Variants in NRXN3 observed in about 807,000 individuals in gnomAD.
NRXN3 encodes the protein neurexin 3, also known as neurexin III.
A neutral mutation model predicts 137.6 loss-of-function variants in NRXN3; 32 were observed. The ratio of observed to expected loss-of-function variants is 0.23; its 90% CI spans 0.18 to 0.31. The LOEUF is 0.31. Ranked by LOEUF, NRXN3 falls within the 10% of genes least tolerant of loss-of-function variation. The pLI is 1.00. For synonymous variants in NRXN3, 798 were observed against 784.5 expected (o/e 1.02, Z -0.29); for missense variants, 1,574 against 2,062.5 (o/e 0.76, Z 4.59).
At position 78,693,602 on chromosome 14, in the gene NRXN3, T is replaced by A. The variant is rs562707410; in HGVS notation, c.1222-15615T>A. On this transcript the variant is annotated intron_variant, in intron 6 of 20. Transcript: ENST00000335750. ...ATAATAATTCCTTTCAAAGTACTTT[T>A]TGTACTTTTGGTCTTATGTATGTCA... Among the ~76,000 whole-genome samples the A allele has an allele frequency of 1.5e-3, 232 of 151,642 alleles. 2 individuals carry two copies. The highest frequency in any genetic ancestry group is 5.5e-3 in the African/African-American group (226 of 41,326).
chr14:79,137,855 G>A (rs1212502825), intron 15 of NRXN3, among the ~76,000 whole-genome samples: 1 of 152,068 alleles, frequency 6.6e-6, no homozygotes, highest in Non-Finnish European at 1.5e-5. Flanking sequence ...AATAATTAAA[G>A]TCCCTCCAAA....
chr14:79,691,873 T>C (rs1670685876), intron 17 of NRXN3, among the ~76,000 whole-genome samples: 1 of 151,972 alleles, frequency 6.6e-6, no homozygotes, highest in African/African-American at 2.4e-5. Flanking sequence ...AATTAAGGTG[T>C]GGTTGAGATG....
chr14:79,014,770 C>T (rs533861855), intron 15 of NRXN3, among the ~76,000 whole-genome samples: 2 of 152,250 alleles, frequency 1.3e-5, no homozygotes, highest in South Asian at 4.1e-4. Flanking sequence ...GGTTCTTTCT[C>T]ATTTGTGTAG....
chr14:78,381,719 T>TA (rs1422671721), intron 4 of NRXN3, among the ~76,000 whole-genome samples: 1 of 152,182 alleles, frequency 6.6e-6, no homozygotes, highest in Non-Finnish European at 1.5e-5. Context: ...CAAACCATGG[T>TA]ACATCTATAC....
intron 8 of NRXN3, among the ~76,000 whole-genome samples, chr14:78,749,275 A>G (rs551212658): frequency 6.6e-6 from 1 of 152,302 alleles, no homozygotes; most frequent in African/African-American, 2.4e-5. Context: ...GACAAATGAG[A>G]AACAAATCCA....
chr14:78,367,021 C>T (rs918766875), intron 4 of NRXN3, among the ~76,000 whole-genome samples: 1 of 152,186 alleles, frequency 6.6e-6, no homozygotes, highest in Non-Finnish European at 1.5e-5. Context: ...ATAAGGGCAG[C>T]TCTATAATCA....
intron 15 of NRXN3, among the ~76,000 whole-genome samples, chr14:79,454,429 T>C (rs951010880): frequency 6.6e-6 from 1 of 152,124 alleles, no homozygotes; most frequent in African/African-American, 2.4e-5. Flanking sequence ...TTGGTCAGGC[T>C]GGTCTCGAAC....
intron 8 of NRXN3, among the ~76,000 whole-genome samples, chr14:78,785,703 G>T (rs1275846618): frequency 2.6e-5 from 4 of 152,188 alleles, no homozygotes. Flanking sequence ...CCGCCAGGCA[G>T]TTACAACTTT....
chr14:79,339,262 C>A (rs1218646099), intron 15 of NRXN3, among the ~76,000 whole-genome samples: 1 of 152,174 alleles, frequency 6.6e-6, no homozygotes, highest in Non-Finnish European at 1.5e-5. Flanking sequence ...GAAAACGAGA[C>A]AAAATCATTC....
chr14:79,251,076 G>C (rs1400868130), intron 15 of NRXN3, among the ~76,000 whole-genome samples: 1 of 152,140 alleles, frequency 6.6e-6, no homozygotes, highest in Admixed American at 6.5e-5. Flanking sequence ...ATAGGACAGG[G>C]CTAGTTTGTA....
chr14:79,705,050 G>T (rs1305432046), intron 19 of NRXN3, among the ~76,000 whole-genome samples: 1 of 152,148 alleles, frequency 6.6e-6, no homozygotes. Flanking sequence ...CAGACGAAGT[G>T]TGAAAGCTCC....
At chr14:79,041,975 C>T (rs1179283258) in intron 15 of NRXN3, among the ~76,000 whole-genome samples, 1 of 151,996 alleles carries the variant, frequency 6.6e-6, no homozygotes, top group Admixed American at 6.6e-5. Context: ...GAGAGATAGC[C>T]TGGAGAGAAA....
Position 79,861,990 on chromosome 14 carries a change from G to C in NRXN3, c.*26G>C. On this transcript the variant is annotated 3_prime_UTR_variant, in exon 21 of 21. Coordinates refer to ENST00000335750, the MANE Select transcript of NRXN3 (RefSeq NM_001330195.2). The surrounding 1 kb of genome is among the most constrained non-coding windows in gnomAD (Gnocchi z 5.4). Reference sequence around the variant, plus strand: ...ACATGCGAACACTGCTCACACGCGAGTTTTCACAGTTATTTCTATCCACGC... The same window carrying C: ...ACATGCGAACACTGCTCACACGCGACTTTTCACAGTTATTTCTATCCACGC... The C allele has an allele frequency of 6.5e-7, 1 of 1,547,576 alleles. No homozygotes were observed. The highest frequency in any genetic ancestry group is 8.8e-7 in the Non-Finnish European group (1 of 1,135,252).
chr14:79,474,113 T>C (rs1389595248), intron 16 of NRXN3, among the ~76,000 whole-genome samples: 1 of 152,164 alleles, frequency 6.6e-6, no homozygotes, highest in African/African-American at 2.4e-5. Flanking sequence ...AAAAAAAAGT[T>C]GGATTTGAGT....
intron 4 of NRXN3, among the ~76,000 whole-genome samples, chr14:78,363,470 T>A (rs968689941): frequency 1.3e-5 from 2 of 152,220 alleles, no homozygotes; most frequent in African/African-American, 2.4e-5. Context: ...TAAATTATCA[T>A]AAAGATGACA....
chr14:78,942,732 C>T (rs533858339), intron 10 of NRXN3, among the ~76,000 whole-genome samples: 2 of 152,154 alleles, frequency 1.3e-5, no homozygotes, highest in Admixed American at 1.3e-4. Context: ...CAACAATATA[C>T]AGTTTCAAAC....
At chr14:78,319,998 T>C (rs1315334012) in intron 4 of NRXN3, among the ~76,000 whole-genome samples, 1 of 152,164 alleles carries the variant, frequency 6.6e-6, no homozygotes, top group African/African-American at 2.4e-5. Flanking sequence ...CAGAAGTGCA[T>C]TAGGAGGCTC....
At chr14:78,652,208 T>C (rs927791845) in intron 6 of NRXN3, among the ~76,000 whole-genome samples, 2 of 152,236 alleles carry the variant, frequency 1.3e-5, no homozygotes, top group Non-Finnish European at 2.9e-5. Flanking sequence ...ATTCTTATAA[T>C]GTGACATTAA....
At chr14:79,380,283 GT>G (rs2094432406) in intron 15 of NRXN3, among the ~76,000 whole-genome samples, 1 of 151,106 alleles carries the variant, frequency 6.6e-6, no homozygotes, top group South Asian at 2.1e-4. Flanking sequence ...TGCCATGCTG[GT>G]GTGCTGCACC....
Sources: allele counts gnomAD v4.1 joint callset (sites outside exome capture counted in the v4.1 genomes callset), GRCh38; gene constraint gnomAD v4.1.1; non-coding constraint Gnocchi (gnomAD v3.1); transcripts MANE v1.5; gene names NCBI Gene and HGNC (gene_info 2026-07-23, HGNC 2026-07-21).